Variants in NRXN1 observed in about 807,000 individuals in gnomAD.
NRXN1 encodes the protein neurexin 1.
NRXN1 carries 39 observed loss-of-function variants against 150.9 expected under a neutral mutation model. The observed-to-expected ratio is 0.26, with a 90% CI of 0.20 to 0.34. NRXN1 has a LOEUF of 0.34. NRXN1 is among the 10% of genes least tolerant of loss of function. The pLI is 1.00. For synonymous variants in NRXN1, 924 were observed against 757.0 expected (o/e 1.22, Z -3.62); for missense variants, 1,815 against 1,949.9 (o/e 0.93, Z 1.30).
chr2:50,384,505 CAAAAAAAAAA>C (rs56052881), intron 17 of NRXN1, among the ~76,000 whole-genome samples: 697 of 55,924 alleles, frequency 0.012, 4 homozygotes, highest in Non-Finnish European at 0.016. Flanking sequence ...GACTCCATCT[CAAAAAAAAAA>C]AAAAAAAAAA....
chr2:49,925,632 C>G (rs1365442531), intron 22 of NRXN1, among the ~76,000 whole-genome samples: 28 of 152,042 alleles, frequency 1.8e-4, no homozygotes, highest in Admixed American at 1.8e-3. Flanking sequence ...AAGAATTTTG[C>G]ATTCCCTCTA....
chr2:50,797,508 A>T (rs539885733), intron 5 of NRXN1, among the ~76,000 whole-genome samples: 1 of 152,230 alleles, frequency 6.6e-6, no homozygotes, highest in East Asian at 1.9e-4. Flanking sequence ...TCCAGCCCAA[A>T]ACGTAAATCA....
chr2:50,231,028 G>A (rs975525641), intron 18 of NRXN1, among the ~76,000 whole-genome samples: 2 of 151,990 alleles, frequency 1.3e-5, no homozygotes, highest in African/African-American at 4.8e-5. Flanking sequence ...ATAAGAATTA[G>A]GAAAGCTACC....
chr2:50,450,035 CT>C (rs2086815309), intron 17 of NRXN1, among the ~76,000 whole-genome samples: 1 of 152,172 alleles, frequency 6.6e-6, no homozygotes, highest in African/African-American at 2.4e-5. Flanking sequence ...GTTTTTTCTA[CT>C]GCACCTGAAG....
At chr2:50,364,568 T>A (rs1356090540) in intron 17 of NRXN1, among the ~76,000 whole-genome samples, 1 of 152,122 alleles carries the variant, frequency 6.6e-6, no homozygotes, top group Non-Finnish European at 1.5e-5. Flanking sequence ...CTCTCCTGCT[T>A]CTCTCCTGTA....
intron 5 of NRXN1, among the ~76,000 whole-genome samples, chr2:50,836,531 AC>A (rs1672125626): frequency 6.6e-6 from 1 of 151,736 alleles, no homozygotes; most frequent in Admixed American, 6.6e-5. Flanking sequence ...TTATGACTTC[AC>A]CTTTTTTAGA....
chr2:50,437,720 G>A (rs1159365753), intron 17 of NRXN1, among the ~76,000 whole-genome samples: 1 of 152,056 alleles, frequency 6.6e-6, no homozygotes, highest in Non-Finnish European at 1.5e-5. Flanking sequence ...GTGTGTGTGT[G>A]TGTGTGTGTG....
intron 5 of NRXN1, among the ~76,000 whole-genome samples, chr2:50,905,966 A>T (rs1683609994): frequency 6.6e-6 from 1 of 152,138 alleles, no homozygotes; most frequent in East Asian, 1.9e-4. Flanking sequence ...AAGGCACTAG[A>T]CTAAGTTTAT....
chr2:50,070,489 G>C (rs1473050955), intron 19 of NRXN1, among the ~76,000 whole-genome samples: 1 of 152,050 alleles, frequency 6.6e-6, no homozygotes, highest in African/African-American at 2.4e-5. Context: ...CCTGTAAGTG[G>C]GCCAGACACG....
intron 17 of NRXN1, among the ~76,000 whole-genome samples, chr2:50,359,846 G>A (rs1229572471): frequency 6.6e-6 from 1 of 152,050 alleles, no homozygotes; most frequent in Admixed American, 6.5e-5. Flanking sequence ...AATGTCAAGG[G>A]CACGCAGAGA....
At chr2:50,984,986 G>A (rs1003870349) in intron 2 of NRXN1, among the ~76,000 whole-genome samples, 1 of 152,004 alleles carries the variant, frequency 6.6e-6, no homozygotes, top group South Asian at 2.1e-4. Flanking sequence ...CAAAATTGCA[G>A]ATTCAACATT....
At chr2:50,693,489 C>A (rs1478979932) in intron 5 of NRXN1, among the ~76,000 whole-genome samples, 1 of 152,186 alleles carries the variant, frequency 6.6e-6, no homozygotes, top group East Asian at 1.9e-4. Flanking sequence ...TTCCTCCTGC[C>A]TACAATTGCG....
intron 17 of NRXN1, among the ~76,000 whole-genome samples, chr2:50,368,508 G>A (rs928311423): frequency 2.0e-5 from 3 of 151,938 alleles, no homozygotes; most frequent in South Asian, 2.1e-4. Flanking sequence ...TCCAGATCAT[G>A]AGAGTAATAA....
intron 5 of NRXN1, among the ~76,000 whole-genome samples, chr2:50,689,443 A>C (rs1295645648): frequency 6.6e-6 from 1 of 152,222 alleles, no homozygotes; most frequent in East Asian, 1.9e-4. Flanking sequence ...TTTTACTCTA[A>C]ATGCCATGTC....
intron 2 of NRXN1, among the ~76,000 whole-genome samples, chr2:50,970,723 G>C (rs1394626506): frequency 1.3e-5 from 2 of 151,500 alleles, no homozygotes; most frequent in African/African-American, 4.9e-5. Context: ...TTAAACAGAG[G>C]GTCGTTATGT....
At position 50,368,007 on chromosome 2, in the gene NRXN1, T is replaced by G. The variant is rs76194951; in HGVS notation, c.3364+97435A>C. ...TTAAATGTATACAAGCAACAAGTTC[T>G]TGATTTGGGCAGCTAGAAAACCACT... On this transcript the variant is annotated intron_variant, in intron 17 of 22. Transcript: ENST00000401669. 8.2e-3 allele frequency among the ~76,000 whole-genome samples: 1,252 copies of G among 152,124 alleles called. 20 individuals are homozygous for G. Among genetic ancestry groups the G allele is most frequent in the African/African-American group, 0.027 (1,109 of 41,540 alleles).
chr2:50,001,084 A>T (rs1407408992), intron 21 of NRXN1, among the ~76,000 whole-genome samples: 1 of 152,106 alleles, frequency 6.6e-6, no homozygotes, highest in Non-Finnish European at 1.5e-5. Context: ...TGCCTTACAA[A>T]TCTCAGACCA....
At chr2:50,290,755 T>A (rs2072817070) in intron 17 of NRXN1, among the ~76,000 whole-genome samples, 1 of 151,986 alleles carries the variant, frequency 6.6e-6, no homozygotes, top group Non-Finnish European at 1.5e-5. Context: ...TGGAATTTGG[T>A]TTTAAAGAAA....
intron 17 of NRXN1, among the ~76,000 whole-genome samples, chr2:50,422,756 C>T (rs1046631666): frequency 6.6e-6 from 1 of 152,148 alleles, no homozygotes; most frequent in Non-Finnish European, 1.5e-5. Context: ...ACCAGAACCA[C>T]AAATATAACT....
Sources: gnomAD v4.1 joint callset for allele counts (sites outside exome capture counted in the v4.1 genomes callset) on GRCh38, gnomAD v4.1.1 for gene constraint, MANE v1.5 for transcripts, NCBI Gene and HGNC (gene_info 2026-07-23, HGNC 2026-07-21) for gene names.